GALNTL6: variants seen among roughly 807,000 people sequenced by gnomAD.
The protein encoded by GALNTL6 is polypeptide N-acetylgalactosaminyltransferase like 6.
GALNTL6 carries 46 observed loss-of-function variants against 73.7 expected under a neutral mutation model. That is an observed-to-expected ratio of 0.62 (90% CI 0.49 to 0.80). The LOEUF (loss-of-function observed/expected upper bound fraction) is 0.80. Ranked by LOEUF, GALNTL6 falls within the 30% of genes least tolerant of loss-of-function variation. GALNTL6 has a pLI of 0.00. For missense variants in GALNTL6, 604 were observed against 755.0 expected, an observed-to-expected ratio of 0.80 and a Z score of 2.34; for synonymous variants, 259 against 263.7, an observed-to-expected ratio of 0.98 and a Z score of 0.17.
At chr4:172,474,538 TAA>T (rs1259688412) in intron 5 of GALNTL6, among the ~76,000 whole-genome samples, 3 of 152,184 alleles carry the variant, frequency 2.0e-5, no homozygotes, top group Non-Finnish European at 4.4e-5. Flanking sequence ...GACAGAACTA[TAA>T]TCAGTGATAA....
intron 8 of GALNTL6, among the ~76,000 whole-genome samples, chr4:172,917,162 T>C (rs1561032323): frequency 6.6e-6 from 1 of 152,212 alleles, no homozygotes. Context: ...ATTCCCTATT[T>C]AATAAATGGT....
intron 3 of GALNTL6, among the ~76,000 whole-genome samples, chr4:172,285,415 A>G (rs1361772638): frequency 6.6e-6 from 1 of 152,192 alleles, no homozygotes; most frequent in Non-Finnish European, 1.5e-5. Context: ...AAAGTCAGTT[A>G]TAGTTAATGC....
intron 2 of GALNTL6, among the ~76,000 whole-genome samples, chr4:171,946,915 G>A (rs1001571608): frequency 3.3e-5 from 5 of 151,800 alleles, no homozygotes; most frequent in Non-Finnish European, 5.9e-5. Flanking sequence ...ACTAAGTTCC[G>A]GGGGGTACAA....
At chr4:172,741,574 A>C (rs1736806171) in intron 5 of GALNTL6, among the ~76,000 whole-genome samples, 1 of 152,122 alleles carries the variant, frequency 6.6e-6, no homozygotes, top group Non-Finnish European at 1.5e-5. Context: ...TTTAGATCCG[A>C]GAGATAATAG....
intron 2 of GALNTL6, among the ~76,000 whole-genome samples, chr4:171,918,678 C>G (rs1012522620): frequency 5.9e-5 from 9 of 152,014 alleles, no homozygotes; most frequent in African/African-American, 1.7e-4. Flanking sequence ...AGGATGTTCA[C>G]GGGATATTAG....
chr4:172,812,865 T>G (rs902677466), intron 6 of GALNTL6, among the ~76,000 whole-genome samples: 1 of 152,196 alleles, frequency 6.6e-6, no homozygotes, highest in African/African-American at 2.4e-5. Context: ...TTATAGTTGT[T>G]CAAGAATTTA....
At position 172,499,214 on chromosome 4, in the gene GALNTL6, G is replaced by C. The variant is rs77951177; in HGVS notation, c.553+150525G>C. On this transcript the variant is annotated intron_variant, in intron 5 of 12. Transcript: ENST00000506823. Reference sequence around the variant, plus strand: ...ATGTTGAAGCTTCAATCCCTATGGTGATGATGGCAACTGGAGGTGGTGCTT... The same window carrying C: ...ATGTTGAAGCTTCAATCCCTATGGTCATGATGGCAACTGGAGGTGGTGCTT... Among the ~76,000 whole-genome samples the C allele has an allele frequency of 3.0e-3, 461 of 152,278 alleles. 2 individuals are homozygous for C. The highest frequency in any genetic ancestry group is 0.01 in the African/African-American group (427 of 41,562).
At chr4:171,872,583 A>C (rs1330040066) in intron 2 of GALNTL6, among the ~76,000 whole-genome samples, 1 of 152,186 alleles carries the variant, frequency 6.6e-6, no homozygotes, top group East Asian at 1.9e-4. Flanking sequence ...CACAAGTCTG[A>C]AATCAAGGTG....
chr4:172,665,858 C>T (rs1173343889), intron 5 of GALNTL6, among the ~76,000 whole-genome samples: 1 of 152,044 alleles, frequency 6.6e-6, no homozygotes, highest in Non-Finnish European at 1.5e-5. Flanking sequence ...ACCTTTTATT[C>T]CTCATCACCA....
chr4:172,403,460 G>T (rs1039171852), intron 5 of GALNTL6, among the ~76,000 whole-genome samples: 1 of 151,888 alleles, frequency 6.6e-6, no homozygotes, highest in Non-Finnish European at 1.5e-5. Flanking sequence ...ATGAACTAAC[G>T]TATCAAATAA....
intron 10 of GALNTL6, among the ~76,000 whole-genome samples, chr4:172,995,965 C>A (rs570874724): frequency 1.3e-5 from 2 of 152,306 alleles, no homozygotes; most frequent in South Asian, 4.1e-4. Flanking sequence ...CAAAACACTT[C>A]TTTCCTTGAC....
At chr4:172,004,222 A>C (rs949159379) in intron 2 of GALNTL6, among the ~76,000 whole-genome samples, 23 of 152,274 alleles carry the variant, frequency 1.5e-4, no homozygotes, top group African/African-American at 5.3e-4. Flanking sequence ...GTTTGTCCCC[A>C]CAAAAGATTT....
chr4:172,206,986 T>G (rs1300364291), intron 2 of GALNTL6, among the ~76,000 whole-genome samples: 1 of 151,172 alleles, frequency 6.6e-6, no homozygotes, highest in African/African-American at 2.4e-5. Context: ...CCCGGCTAGT[T>G]TTTTGTATTT....
At chr4:172,592,134 A>G (rs1266519686) in intron 5 of GALNTL6, among the ~76,000 whole-genome samples, 1 of 152,250 alleles carries the variant, frequency 6.6e-6, no homozygotes, top group Non-Finnish European at 1.5e-5. Context: ...GGTCTGAACA[A>G]GAAGCATGGT....
chr4:171,977,577 T>C (rs994880863), intron 2 of GALNTL6, among the ~76,000 whole-genome samples: 2 of 152,140 alleles, frequency 1.3e-5, no homozygotes, highest in Admixed American at 6.5e-5. Flanking sequence ...ACCAGTCATA[T>C]TGAATGAGGA....
At chr4:172,475,863 T>A (rs1733212657) in intron 5 of GALNTL6, among the ~76,000 whole-genome samples, 1 of 152,244 alleles carries the variant, frequency 6.6e-6, no homozygotes, top group Non-Finnish European at 1.5e-5. Flanking sequence ...CTCTGAATAA[T>A]GTGTCCAATC....
At chr4:171,886,391 AACTT>A (rs1420236241) in intron 2 of GALNTL6, among the ~76,000 whole-genome samples, 7 of 152,170 alleles carry the variant, frequency 4.6e-5, no homozygotes, top group African/African-American at 1.4e-4. Flanking sequence ...CATTTTGTAA[AACTT>A]ACTACAGACA....
intron 2 of GALNTL6, among the ~76,000 whole-genome samples, chr4:171,815,739 G>A (rs1230661475): frequency 6.6e-6 from 1 of 152,134 alleles, no homozygotes; most frequent in Non-Finnish European, 1.5e-5. Context: ...TCCATTCCTG[G>A]AAAACAGCAA....
chr4:172,867,659 A>T (rs1269153745), intron 7 of GALNTL6, among the ~76,000 whole-genome samples: 1 of 152,256 alleles, frequency 6.6e-6, no homozygotes, highest in East Asian at 1.9e-4. Context: ...ACTAAGGCCA[A>T]CAGCAAAGCT....
Sources: allele counts gnomAD v4.1 joint callset (sites outside exome capture counted in the v4.1 genomes callset), GRCh38; gene constraint gnomAD v4.1.1; transcripts MANE v1.5; gene names NCBI Gene and HGNC (gene_info 2026-07-23, HGNC 2026-07-21).